Variants in XKR4 observed in about 807,000 individuals in gnomAD.
XKR4 encodes the protein XK-related protein 4.
In XKR4, 12 loss-of-function variants were observed where a neutral mutation model predicts 53.9. That is an observed-to-expected ratio of 0.22 (90% CI 0.14 to 0.36). The LOEUF is 0.36. Ranked by LOEUF, XKR4 falls within the 10% of genes least tolerant of loss-of-function variation. The pLI is 1.00. For synonymous variants in XKR4, 354 were observed against 362.4 expected (o/e 0.98, Z 0.26); for missense variants, 799 against 859.5 (o/e 0.93, Z 0.88).
intron 1 of XKR4, among the ~76,000 whole-genome samples, chr8:55,260,700 G>A (rs1181249835): frequency 6.6e-6 from 1 of 152,144 alleles, no homozygotes; most frequent in Admixed American, 6.5e-5. Context: ...AGATTGGTTG[G>A]ACCAGGTGTC....
chr8:55,460,488 A>T (rs1805638050), intron 2 of XKR4, among the ~76,000 whole-genome samples: 1 of 152,226 alleles, frequency 6.6e-6, no homozygotes, highest in African/African-American at 2.4e-5. Flanking sequence ...AAAAACAAAA[A>T]GTATGGGAGG....
At chr8:55,222,956 G>C (rs78977763) in intron 1 of XKR4, among the ~76,000 whole-genome samples, 1 of 152,152 alleles carries the variant, frequency 6.6e-6, no homozygotes, top group Non-Finnish European at 1.5e-5. Context: ...ATGAGGTTGA[G>C]TTGGCTCCAG....
At chr8:55,523,137 G>C in intron 2 of XKR4, 144 bp from the exon 3 acceptor site, 2 of 694,174 alleles carry the variant, frequency 2.9e-6, no homozygotes, top group South Asian at 2.1e-5. Flanking sequence ...GCGAGACTCT[G>C]TCTCAAAAAA....
chr8:55,203,744 C>T (rs1817606660), intron 1 of XKR4, among the ~76,000 whole-genome samples: 1 of 152,150 alleles, frequency 6.6e-6, no homozygotes, highest in South Asian at 2.1e-4. Flanking sequence ...CCCCAGGTCA[C>T]TGGAGGAATG....
intron 1 of XKR4, among the ~76,000 whole-genome samples, chr8:55,163,862 T>C (rs1817023880): frequency 1.3e-5 from 2 of 151,976 alleles, no homozygotes; most frequent in Non-Finnish European, 2.9e-5. Context: ...AATCAATAAA[T>C]GAAATATAAA....
At chr8:55,489,587 C>T (rs1380478851) in intron 2 of XKR4, among the ~76,000 whole-genome samples, 2 of 151,560 alleles carry the variant, frequency 1.3e-5, no homozygotes, top group Admixed American at 6.6e-5. Flanking sequence ...CAGTCTAACA[C>T]TTTTGTTATT....
intron 1 of XKR4, among the ~76,000 whole-genome samples, chr8:55,227,609 A>G (rs1301585960): frequency 6.6e-5 from 10 of 152,232 alleles, no homozygotes; most frequent in Non-Finnish European, 1.5e-5. Context: ...TGCTTGAACT[A>G]ATAAGACTTG....
intron 2 of XKR4, among the ~76,000 whole-genome samples, chr8:55,463,532 G>T (rs149119594): frequency 0.43 from 64,686 of 150,874 alleles, 14,173 homozygotes; most frequent in East Asian, 0.53. Flanking sequence ...AGGAAAGATC[G>T]AAAATTGACA....
intron 2 of XKR4, among the ~76,000 whole-genome samples, chr8:55,381,947 G>A (rs1044250592): frequency 1.3e-5 from 2 of 152,204 alleles, no homozygotes; most frequent in African/African-American, 2.4e-5. Context: ...AGGACTAAGG[G>A]GAGAGGCCAC....
In XKR4 at chr8:55,397,187, G is replaced by A. The variant is rs193067777; in HGVS notation, c.1006+39310G>A. Among the ~76,000 whole-genome samples the A allele has an allele frequency of 1.0e-3, 155 of 152,256 alleles. 3 individuals are homozygous for A. The East Asian group carries it at 0.019, about 19-fold the overall frequency. ...CTCAATTATTCTCTTTAATTTCAAG[G>A]GAAAAATCTTTGAGAGGAAGTTTTG... On this transcript the variant is annotated intron_variant, in intron 2 of 2. Coordinates refer to ENST00000327381, the MANE Select transcript of XKR4 (RefSeq NM_052898.2).
At chr8:55,494,114 G>A (rs962502514) in intron 2 of XKR4, among the ~76,000 whole-genome samples, 1 of 152,268 alleles carries the variant, frequency 6.6e-6, no homozygotes, top group African/African-American at 2.4e-5. Flanking sequence ...AGCGAGGGGT[G>A]TATGAGTGGA....
chr8:55,240,154 G>A (rs1051666398), intron 1 of XKR4, among the ~76,000 whole-genome samples: 1 of 152,126 alleles, frequency 6.6e-6, no homozygotes, highest in African/African-American at 2.4e-5. Context: ...AGGCAACTTT[G>A]AACTGAATTA....
intron 2 of XKR4, among the ~76,000 whole-genome samples, chr8:55,480,305 T>G: frequency 6.6e-6 from 1 of 151,936 alleles, no homozygotes. Flanking sequence ...AAAAACCACA[T>G]GATTATCTCA....
At position 55,535,196 on chromosome 8, in the gene XKR4, C is replaced by T. The variant is rs1049118378; in HGVS notation, c.*10969C>T. On this transcript the variant is annotated 3_prime_UTR_variant, in exon 3 of 3. Transcript: ENST00000327381. ...TAAAATGGGGACAAAAAGTGGTCTA[C>T]CACCATGTGACTTATTTTCTTTTTT... The T allele has an allele frequency of 6.8e-6, 1 of 147,418 alleles. No homozygotes were observed. Among genetic ancestry groups the T allele is most frequent in the African/African-American group, 2.5e-5 (1 of 39,952 alleles). 9.1% of individuals were successfully genotyped at this position (147,418 alleles called of 1,614,324 possible).
At chr8:55,473,619 T>A (rs948075945) in intron 2 of XKR4, among the ~76,000 whole-genome samples, 2 of 152,090 alleles carry the variant, frequency 1.3e-5, no homozygotes, top group African/African-American at 4.8e-5. Flanking sequence ...GTGTGCCAGT[T>A]TCTCAGAGGC....
At chr8:55,205,813 T>C (rs1302910103) in intron 1 of XKR4, among the ~76,000 whole-genome samples, 1 of 152,216 alleles carries the variant, frequency 6.6e-6, no homozygotes, top group Non-Finnish European at 1.5e-5. Flanking sequence ...CTCCGGTGGG[T>C]TCTTGGTCTC....
chr8:55,340,844 G>A lies in XKR4; in HGVS notation c.807-16834G>A, dbSNP rs115072008. Among the ~76,000 whole-genome samples the A allele has an allele frequency of 2.2e-3, 339 of 152,294 alleles. 1 individual carries two copies. The highest frequency in any genetic ancestry group is 7.7e-3 in the African/African-American group (321 of 41,558). ...GGGGTAGTCTCTACCAAGGGAGGAA[G>A]CAGTAGGGACATGAAGGACCAGGGA... On this transcript the variant is annotated intron_variant, in intron 1 of 2. Transcript: ENST00000327381.
Position 55,103,192 on chromosome 8 carries a change from G to T in XKR4, c.704G>T (p.Gly235Val). 1 of 1,614,040 alleles carries T rather than the reference G, an allele frequency of 6.2e-7. No homozygotes were observed. The highest frequency in any genetic ancestry group is 8.5e-7 in the Non-Finnish European group (1 of 1,180,042). Residue 235 changes from glycine to valine, a missense_variant, in exon 1 of 3, where the codon GGG (glycine) becomes GTG (valine). By Grantham distance (109) the Gly-to-Val change is moderately radical. Transcript: ENST00000327381. Reference protein sequence around the residue: ...AAANSGSNSSGATRASGKHRS... With the variant: ...AAANSGSNSSVATRASGKHRS... ...GCCAACAGCGGCAGCAACAGCAGCG[G>T]GGCTACCCGGGCCAGTGGCAAGCAC...
At position 55,524,412 on chromosome 8, in the gene XKR4, CGA is replaced by C; in HGVS notation, c.*189_*190del. On this transcript the variant is annotated 3_prime_UTR_variant, in exon 3 of 3. Coordinates refer to ENST00000327381, the MANE Select transcript of XKR4 (RefSeq NM_052898.2). ...GGTCTCCTTCCAAAGCAGCTGCACC[CGA>C]GAGTCTCTGACTCCACCTGAAAGAA... The C allele has an allele frequency of 1.6e-6, 1 of 622,154 alleles. No individual in the cohort carries two copies. The highest frequency in any genetic ancestry group is 2.8e-6 in the Non-Finnish European group (1 of 361,306). 38.5% of individuals were successfully genotyped at this position (622,154 alleles called of 1,614,324 possible).
Sources: gnomAD v4.1 joint callset for allele counts (sites outside exome capture counted in the v4.1 genomes callset) on GRCh38, gnomAD v4.1.1 for gene constraint, MANE v1.5 for transcripts, NCBI Gene and HGNC (gene_info 2026-07-23, HGNC 2026-07-21) for gene names.